The following DLG2 variants were observed in gnomAD, a reference collection of about 807,000 sequenced individuals.
The protein encoded by DLG2 is disks large homolog 2.
A neutral mutation model predicts 132.5 loss-of-function variants in DLG2; 45 were observed. The observed-to-expected ratio is 0.34, with a 90% CI of 0.27 to 0.44. The LOEUF (loss-of-function observed/expected upper bound fraction) is 0.44. Ranked by LOEUF, DLG2 falls within the 20% of genes least tolerant of loss-of-function variation. The pLI, the probability that DLG2 is intolerant of heterozygous loss-of-function variation, is 1.00. For missense variants in DLG2, 1,045 were observed against 1,196.9 expected, an observed-to-expected ratio of 0.87 and a Z score of 1.87; for synonymous variants, 424 against 419.6, an observed-to-expected ratio of 1.01 and a Z score of -0.13.
At position 84,895,097 on chromosome 11, in the gene DLG2, G is replaced by A. The variant is rs1002896280; in HGVS notation, c.357+216564C>T. 2.0e-5 allele frequency among the ~76,000 whole-genome samples: 3 copies of A among 152,094 alleles called. No individual in the cohort carries two copies. The South Asian group carries it at 6.2e-4, about 31-fold the overall frequency. The stretch of plus-strand genomic sequence containing the variant: ...ATTTAAATGAAGTTAAAATTTAATT[G>A]TAGAATTATTACAAAATTGTGTTTA... On this transcript the variant is annotated intron_variant, in intron 6 of 27. Transcript: ENST00000376104.
chr11:84,802,855 A>T (rs2075572409), intron 6 of DLG2, among the ~76,000 whole-genome samples: 1 of 152,134 alleles, frequency 6.6e-6, no homozygotes, highest in African/African-American at 2.4e-5. Context: ...GCTGGAGTAC[A>T]GAGGCGCGAT....
chr11:85,180,229 G>A (rs2079598768), intron 4 of DLG2, among the ~76,000 whole-genome samples: 1 of 151,790 alleles, frequency 6.6e-6, no homozygotes, highest in Admixed American at 6.6e-5. Flanking sequence ...TACATACTGA[G>A]AAATCCACCA....
In DLG2 at chr11:84,707,815, A is replaced by G. The variant is rs551396235; in HGVS notation, c.358-173084T>C. ...ACATGCACTCATTTTGATCATACAAATATATAAATAAAAACTGTGGGGCAA... is the reference window on the plus strand; with the variant it reads ...ACATGCACTCATTTTGATCATACAAGTATATAAATAAAAACTGTGGGGCAA... On this transcript the variant is annotated intron_variant, in intron 6 of 27. Coordinates refer to ENST00000376104, the MANE Select transcript of DLG2 (RefSeq NM_001142699.3). 2.3e-4 allele frequency among the ~76,000 whole-genome samples: 35 copies of G among 151,960 alleles called. No homozygotes were observed. In the East Asian group the frequency reaches 6.0e-3, roughly 26 times the overall value.
chr11:83,594,034 G>A (rs906983172), intron 19 of DLG2, among the ~76,000 whole-genome samples: 1 of 152,176 alleles, frequency 6.6e-6, no homozygotes, highest in African/African-American at 2.4e-5. Context: ...AAAAATACAA[G>A]GCCCTTAGAT....
intron 3 of DLG2, among the ~76,000 whole-genome samples, chr11:85,466,725 GT>G (rs2092804177): frequency 6.6e-6 from 1 of 152,170 alleles, no homozygotes; most frequent in South Asian, 2.1e-4. Context: ...TTGTAGTATA[GT>G]TTGAAGTCAG....
chr11:85,065,539 T>A (rs547521143), intron 6 of DLG2, among the ~76,000 whole-genome samples: 1 of 148,546 alleles, frequency 6.7e-6, no homozygotes, highest in Non-Finnish European at 1.5e-5. Flanking sequence ...ATATCCAGCT[T>A]TTTTTAAATT....
At chr11:84,101,704 A>G (rs921311355) in intron 9 of DLG2, among the ~76,000 whole-genome samples, 50 of 152,080 alleles carry the variant, frequency 3.3e-4, no homozygotes, top group African/African-American at 7.5e-4. Context: ...AGTATTTTCA[A>G]TGTAATTTGG....
chr11:84,380,491 C>T (rs537431665), intron 7 of DLG2, among the ~76,000 whole-genome samples: 3 of 151,914 alleles, frequency 2.0e-5, no homozygotes, highest in East Asian at 1.9e-4. Flanking sequence ...TTTAAAAGTC[C>T]ATTTCTAAAT....
chr11:84,954,850 T>C (rs1455613255), intron 6 of DLG2, among the ~76,000 whole-genome samples: 2 of 152,202 alleles, frequency 1.3e-5, no homozygotes, highest in African/African-American at 4.8e-5. Flanking sequence ...CTAGGCACCG[T>C]GCTAAGCCTA....
intron 6 of DLG2, among the ~76,000 whole-genome samples, chr11:85,059,336 A>G (rs2063788929): frequency 6.6e-6 from 1 of 151,518 alleles, no homozygotes; most frequent in Admixed American, 6.6e-5. Flanking sequence ...TTGTATAATC[A>G]CTTTGGAAAA....
intron 8 of DLG2, among the ~76,000 whole-genome samples, chr11:84,243,705 G>A (rs1444898649): frequency 2.6e-5 from 4 of 152,210 alleles, no homozygotes; most frequent in African/African-American, 9.6e-5. Flanking sequence ...GAGCAGCAAA[G>A]GTCTAGATGT....
At chr11:84,243,629 C>T (rs186434034) in intron 8 of DLG2, among the ~76,000 whole-genome samples, 201 of 152,212 alleles carry the variant, frequency 1.3e-3, no homozygotes, top group Non-Finnish European at 2.5e-3. Context: ...TTTGGTGGAA[C>T]TTTAGATTCT....
chr11:84,962,687 C>A lies in DLG2; in HGVS notation c.357+148974G>T, dbSNP rs149211896. ...ACTAAATATTCTCTCCTCTAATCCA[C>A]AGAATTTCCTTTACAAAAATATCTT... On this transcript the variant is annotated intron_variant, in intron 6 of 27. Coordinates refer to ENST00000376104, the MANE Select transcript of DLG2 (RefSeq NM_001142699.3). Among the ~76,000 whole-genome samples the A allele has an allele frequency of 3.5e-3, 532 of 152,306 alleles. 1 individual carries two copies. Among genetic ancestry groups the A allele is most frequent in the Admixed American group, 6.7e-3 (102 of 15,282 alleles).
At chr11:84,822,907 TC>T (rs1223936021) in intron 6 of DLG2, among the ~76,000 whole-genome samples, 1 of 151,978 alleles carries the variant, frequency 6.6e-6, no homozygotes, top group East Asian at 1.9e-4. Flanking sequence ...TATAATTATC[TC>T]AATTCCCTTG....
At chr11:85,069,140 C>T (rs1239467060) in intron 6 of DLG2, among the ~76,000 whole-genome samples, 1 of 151,738 alleles carries the variant, frequency 6.6e-6, no homozygotes, top group Non-Finnish European at 1.5e-5. Flanking sequence ...ACACTTTATA[C>T]AAAAATTAAT....
intron 2 of DLG2, among the ~76,000 whole-genome samples, chr11:85,610,284 C>T (rs1329949771): frequency 6.6e-6 from 1 of 152,178 alleles, no homozygotes; most frequent in Admixed American, 6.5e-5. Flanking sequence ...AGTACAAAAA[C>T]TGAATGGTCA....
intron 6 of DLG2, among the ~76,000 whole-genome samples, chr11:84,579,229 T>C (rs1353818058): frequency 7.0e-6 from 1 of 143,468 alleles, no homozygotes; most frequent in Admixed American, 7.2e-5. Context: ...GTGTCTTTCT[T>C]TTCTACACAA....
chr11:84,705,793 A>T (rs1355840002), intron 6 of DLG2, among the ~76,000 whole-genome samples: 1 of 151,882 alleles, frequency 6.6e-6, no homozygotes, highest in African/African-American at 2.4e-5. Context: ...AAAATGAAGT[A>T]TGATGGGTGT....
chr11:83,804,960 T>C (rs1187420999), intron 17 of DLG2, among the ~76,000 whole-genome samples: 1 of 152,148 alleles, frequency 6.6e-6, no homozygotes, highest in Non-Finnish European at 1.5e-5. Context: ...TTAAAAATAA[T>C]TTCAGTCAGA....
Sources: allele counts gnomAD v4.1 joint callset (sites outside exome capture counted in the v4.1 genomes callset), GRCh38; gene constraint gnomAD v4.1.1; transcripts MANE v1.5; gene names NCBI Gene and HGNC (gene_info 2026-07-23, HGNC 2026-07-21).